TANC1: variants seen among roughly 807,000 people sequenced by gnomAD.
TANC1 encodes protein TANC1.
In TANC1, 77 loss-of-function variants were observed where a neutral mutation model predicts 149.7. The observed-to-expected ratio is 0.51, with a 90% CI of 0.43 to 0.62. The LOEUF (loss-of-function observed/expected upper bound fraction) is 0.62. TANC1 is among the 20% of genes least tolerant of loss of function. TANC1 has a pLI of 0.00. For missense variants in TANC1, 1,985 were observed against 2,321.8 expected, an observed-to-expected ratio of 0.85 and a Z score of 2.98; for synonymous variants, 854 against 925.0, an observed-to-expected ratio of 0.92 and a Z score of 1.39.
At chr2:159,060,182 T>A in intron 2 of TANC1, 1 of 509,468 alleles carries the variant, frequency 2.0e-6, no homozygotes, top group Non-Finnish European at 2.5e-6. Flanking sequence ...TGATGCTTCT[T>A]TGAAGCAAAG....
intron 2 of TANC1, among the ~76,000 whole-genome samples, chr2:159,002,691 C>T (rs1469735857): frequency 6.6e-6 from 1 of 152,114 alleles, no homozygotes; most frequent in Non-Finnish European, 1.5e-5. Flanking sequence ...AATGCCCTCT[C>T]GAGAGTTTCT....
At position 159,194,304 on chromosome 2, in the gene TANC1, A is replaced by G; in HGVS notation, c.2790A>G (p.Thr930=). The change falls in exon 17 of 27, where the codon ACA becomes ACG. Residue 930 remains threonine, a synonymous_variant. Transcript: ENST00000263635. ...GAGGGGCCAACGTGAACTACAGGAC[A>G]GAAGTGTTAAATAATGCCCCAATCC... The part of the protein sequence containing the change: ...ILGGANVNYR[T]EVLNNAPILC... 2 of 1,614,262 alleles carry G rather than the reference A, an allele frequency of 1.2e-6. No individual in the cohort carries two copies. The highest frequency in any genetic ancestry group is 2.2e-5 in the East Asian group (1 of 44,890).
chr2:159,175,355 A>C (rs948358618), intron 12 of TANC1, among the ~76,000 whole-genome samples, 171 bp downstream of exon 12: 4 of 152,110 alleles, frequency 2.6e-5, no homozygotes, highest in Non-Finnish European at 4.4e-5. Context: ...CAGCCCCATG[A>C]GGTCGCTCCT....
At chr2:159,115,693 T>C (rs1559287451) in intron 4 of TANC1, among the ~76,000 whole-genome samples, 1 of 152,186 alleles carries the variant, frequency 6.6e-6, no homozygotes, top group African/African-American at 2.4e-5. Context: ...TGCATGCCAT[T>C]GGGAAGCTTG....
At chr2:159,073,767 G>A (rs987704719) in intron 3 of TANC1, among the ~76,000 whole-genome samples, 1 of 152,000 alleles carries the variant, frequency 6.6e-6, no homozygotes, top group Non-Finnish European at 1.5e-5. Flanking sequence ...TTTTCTATTT[G>A]CACTTCCTAG....
intron 2 of TANC1, among the ~76,000 whole-genome samples, chr2:159,059,920 G>T: frequency 7.9e-6 from 1 of 126,392 alleles, no homozygotes; most frequent in African/African-American, 3.7e-5. Context: ...GTGTGTGTGT[G>T]TGTGTGTGTG....
chr2:159,217,098 C>G (rs2059396608), intron 19 of TANC1, among the ~76,000 whole-genome samples: 1 of 152,140 alleles, frequency 6.6e-6, no homozygotes, highest in African/African-American at 2.4e-5. Flanking sequence ...CTGGTGGATC[C>G]CCTTCCAGAT....
chr2:159,197,857 A>T (rs1393364234), intron 18 of TANC1, among the ~76,000 whole-genome samples: 1 of 152,174 alleles, frequency 6.6e-6, no homozygotes, highest in Non-Finnish European at 1.5e-5. Flanking sequence ...CTTGGAGGGT[A>T]TGTTAGTTTC....
At chr2:159,159,717 TGAGAGAGAGAGAGAGAGAGAGA>T (rs56101796) in intron 7 of TANC1, among the ~76,000 whole-genome samples, 12 of 114,920 alleles carry the variant, frequency 1.0e-4, no homozygotes, top group African/African-American at 3.5e-4. Context: ...TGTGTGTGTG[TGAGAGAGAGAGAGAGAGAGAGA>T]GAGAGAGAGA....
intron 19 of TANC1, among the ~76,000 whole-genome samples, chr2:159,204,847 G>T (rs2058494737): frequency 6.6e-6 from 1 of 152,212 alleles, no homozygotes; most frequent in African/African-American, 2.4e-5. Context: ...CTGTTCAGAT[G>T]GGCCAGATTT....
chr2:159,044,247 G>A (rs940886380), intron 2 of TANC1, among the ~76,000 whole-genome samples: 1 of 152,148 alleles, frequency 6.6e-6, no homozygotes, highest in Non-Finnish European at 1.5e-5. Context: ...GCAACGCAGC[G>A]AGACCTCATC....
At chr2:159,007,611 C>G (rs1574082032) in intron 2 of TANC1, among the ~76,000 whole-genome samples, 2 of 152,200 alleles carry the variant, frequency 1.3e-5, no homozygotes, top group East Asian at 3.8e-4. Context: ...GCTGTCCCAT[C>G]TAGATTTGTG....
intron 20 of TANC1, among the ~76,000 whole-genome samples, chr2:159,218,450 T>C (rs2059485111): frequency 6.6e-6 from 1 of 152,224 alleles, no homozygotes; most frequent in Admixed American, 6.5e-5. Flanking sequence ...GGCCCTGCTG[T>C]GTCCTAAGTC....
chr2:159,041,242 G>A (rs532829812), intron 2 of TANC1, among the ~76,000 whole-genome samples: 13 of 152,308 alleles, frequency 8.5e-5, no homozygotes, highest in Non-Finnish European at 4.4e-5. Flanking sequence ...GGGGGTCAGG[G>A]ACCCACTTGA....
chr2:159,228,960 G>C, intron 26 of TANC1, 64 bp downstream of exon 26: 1 of 1,315,750 alleles, frequency 7.6e-7, no homozygotes, highest in Non-Finnish European at 1.1e-6. Flanking sequence ...CCTGCCTGTT[G>C]AATTTGGGGA....
chr2:159,041,949 T>C (rs536635225), intron 2 of TANC1, among the ~76,000 whole-genome samples: 1 of 152,300 alleles, frequency 6.6e-6, no homozygotes, highest in East Asian at 1.9e-4. Context: ...TGAGACTTTT[T>C]TTGAGGAAAC....
chr2:159,179,563 C>G (rs2056253550), intron 14 of TANC1, among the ~76,000 whole-genome samples: 2 of 152,118 alleles, frequency 1.3e-5, no homozygotes, highest in African/African-American at 4.8e-5. Flanking sequence ...CCCTGTGTGT[C>G]TGCAGACTGT....
At chr2:159,183,583 C>G (rs6753304) in intron 14 of TANC1, among the ~76,000 whole-genome samples, 37,299 of 151,796 alleles carry the variant, frequency 0.25, 4,815 homozygotes, top group Middle Eastern at 0.32. Context: ...GGAGGAGGGT[C>G]CTGGATCCTT....
At chr2:159,123,827 G>C (rs1481433123) in intron 4 of TANC1, among the ~76,000 whole-genome samples, 2 of 152,140 alleles carry the variant, frequency 1.3e-5, no homozygotes, top group African/African-American at 4.8e-5. Context: ...TTAGGAAATG[G>C]AAAGAGTAAA....
Sources: gnomAD v4.1 joint callset for allele counts (sites outside exome capture counted in the v4.1 genomes callset) on GRCh38, gnomAD v4.1.1 for gene constraint, MANE v1.5 for transcripts, NCBI Gene and HGNC (gene_info 2026-07-23, HGNC 2026-07-21) for gene names.